Variants in SNAPC3 observed in about 807,000 individuals in gnomAD.
SNAPC3 encodes the protein snRNA-activating protein complex subunit 3.
SNAPC3 carries 56 observed loss-of-function variants against 47.7 expected under a neutral mutation model. The observed-to-expected ratio is 1.18, with a 90% confidence interval of 0.95 to 1.47. SNAPC3 has a LOEUF of 1.47. Ranked by LOEUF, SNAPC3 falls within the 40% of genes most tolerant of loss-of-function variation. The probability of loss-of-function intolerance (pLI) is 0.00; values close to 1 mark genes in which losing one functional copy is unlikely to be tolerated. For missense variants in SNAPC3, 665 were observed against 511.3 expected (o/e 1.30, Z -2.90); for synonymous variants, 235 against 189.9 (o/e 1.24, Z -1.95).
chr9:15,458,134 C>A, intron 8 of SNAPC3, 67 bp downstream of exon 8: 4 of 790,012 alleles, frequency 5.1e-6, no homozygotes, highest in Admixed American at 2.8e-5. Flanking sequence ...ATTTTGTTTT[C>A]CACTTTGGAT....
chr9:15,422,934 G>C lies in SNAPC3; in HGVS notation c.55G>C (p.Asp19His), dbSNP rs1435225340. The change falls in exon 1 of 9, where the codon GAC (aspartate) becomes CAC (histidine). Residue 19 changes from aspartate (D) to histidine (H), a missense_variant. Transcript: ENST00000380821. ...GTGTAGCGGGGTGGGTGGCAGGCAG[G>C]ACCCAGTCTCCGGCAGTGGCGGCTG... ...PTCSGVGGRQ[D>H]PVSGSGGCNF... 2 of 1,538,546 alleles carry C rather than the reference G, an allele frequency of 1.3e-6. No individual in the cohort carries two copies. Among genetic ancestry groups the C allele is most frequent in the African/African-American group, 1.4e-5 (1 of 71,518 alleles).
intron 2 of SNAPC3, among the ~76,000 whole-genome samples, chr9:15,431,579 A>C (rs2032153112): frequency 6.6e-6 from 1 of 152,138 alleles, no homozygotes; most frequent in Middle Eastern, 3.2e-3. Flanking sequence ...GGACAAACCA[A>C]AACTATAGAG....
At position 15,423,129 on chromosome 9, in the gene SNAPC3, G is replaced by T. The variant is rs754460862; in HGVS notation, c.250G>T (p.Ala84Ser). 1.9e-6 allele frequency: 3 copies of T among 1,557,200 alleles called. No individual in the cohort carries two copies. The highest frequency in any genetic ancestry group is 2.6e-6 in the Non-Finnish European group (3 of 1,163,136). Residue 84 changes from alanine (A) to serine (S), a missense_variant, in exon 1 of 9, where the codon GCC becomes TCC. Coordinates refer to ENST00000380821, the MANE Select transcript of SNAPC3 (RefSeq NM_001039697.2). ...GGCAGCTGACTCCGACCGGGAGGATGCCGCGGTGGCCAGGGATCTGGACTG... is the reference window on the plus strand; with the variant it reads ...GGCAGCTGACTCCGACCGGGAGGATTCCGCGGTGGCCAGGGATCTGGACTG... ...SQAADSDRED[A>S]AVARDLDCSL...
At chr9:15,462,803 C>A (rs3739801), downstream of SNAPC3, 1 of 152,134 alleles carries the variant, frequency 6.6e-6, no homozygotes, top group East Asian at 1.9e-4. Flanking sequence ...ACATTTCTGC[C>A]TATTAAACCA....
In SNAPC3 at chr9:15,423,950, A is replaced by G; in HGVS notation, c.356A>G (p.Glu119Gly). 6.3e-7 allele frequency: 1 copy of G among 1,590,128 alleles called. No homozygotes were observed. Among genetic ancestry groups the G allele is most frequent in the South Asian group, 1.2e-5 (1 of 86,578 alleles). Reference protein sequence around the residue: ...LKCLEDGEDPEVIPENTDLVT... With the variant: ...LKCLEDGEDPGVIPENTDLVT... Reference sequence around the variant, plus strand: ...TGCCTTGAGGACGGTGAGGATCCAGAAGTCATTCCGGAGAATACTGACCTG... The same window carrying G: ...TGCCTTGAGGACGGTGAGGATCCAGGAGTCATTCCGGAGAATACTGACCTG... The change falls in exon 2 of 9, where the codon GAA (glutamate) becomes GGA (glycine). Residue 119 changes from glutamate (E) to glycine (G), a missense_variant. Transcript: ENST00000380821.
At chr9:15,429,479 T>C (rs2031865461) in intron 2 of SNAPC3, among the ~76,000 whole-genome samples, 1 of 151,974 alleles carries the variant, frequency 6.6e-6, no homozygotes, top group South Asian at 2.1e-4. Flanking sequence ...ACTAAAATGA[T>C]GGAAGGAGAA....
At chr9:15,453,237 CTTTT>C (rs759781006) in intron 7 of SNAPC3, 32 bp downstream of exon 7, 1 of 1,463,710 alleles carries the variant, frequency 6.8e-7, no homozygotes, top group African/African-American at 1.4e-5. Context: ...ATTTTGTTAC[CTTTT>C]TTTTTCTTTA....
At chr9:15,440,627 G>T (rs7036620) in intron 3 of SNAPC3, among the ~76,000 whole-genome samples, 6,406 of 152,214 alleles carry the variant, frequency 0.042, 451 homozygotes, top group African/African-American at 0.15. Flanking sequence ...AGAGTTTGAG[G>T]CCAATCTAGG....
Position 15,460,411 on chromosome 9 carries a change from A to T in SNAPC3, c.*545A>T, listed in dbSNP as rs983254279. The T allele has an allele frequency of 4.6e-5, 7 of 152,202 alleles. No homozygotes were observed. The highest frequency in any genetic ancestry group is 1.7e-4 in the African/African-American group (7 of 41,432). The allele number at this position is 152,202 out of a possible 1,614,324, so 9.4% of individuals were successfully genotyped here. On this transcript the variant is annotated 3_prime_UTR_variant, in exon 9 of 9. Coordinates refer to ENST00000380821, the MANE Select transcript of SNAPC3 (RefSeq NM_001039697.2). ...GCTTTGGGATTATTTATTTTTTGAG[A>T]CAAAATCTCGCTCTTGTTGCCCAGG...
chr9:15,432,336 C>G (rs958349610), intron 2 of SNAPC3, among the ~76,000 whole-genome samples: 13 of 152,098 alleles, frequency 8.5e-5, no homozygotes, highest in African/African-American at 2.9e-4. Flanking sequence ...TCCTGCCTAT[C>G]TCAGCTGAGA....
At position 15,423,303 on chromosome 9, in the gene SNAPC3, G is replaced by C. The variant is rs575963205; in HGVS notation, c.314+110G>C. 4.4e-6 allele frequency: 5 copies of C among 1,138,284 alleles called. No homozygotes were observed. The Admixed American group carries it at 1.0e-4, about 23-fold the overall frequency. 70.5% of individuals were successfully genotyped at this position (1,138,284 alleles called of 1,614,324 possible). On this transcript the variant is annotated intron_variant, in intron 1 of 8. Coordinates refer to ENST00000380821, the MANE Select transcript of SNAPC3 (RefSeq NM_001039697.2). ...GAGAAGGGCCTGTGGTTTAGACCTG[G>C]GCTAGGAGTATTACCCTTTAAAGCT... is the stretch of plus-strand genomic sequence containing the variant.
intron 3 of SNAPC3, among the ~76,000 whole-genome samples, chr9:15,434,270 C>G (rs1036970393): frequency 6.6e-6 from 1 of 152,156 alleles, no homozygotes; most frequent in Non-Finnish European, 1.5e-5. Flanking sequence ...AACAGAAATT[C>G]CATACCTGTT....
At chr9:15,458,096 C>A in intron 8 of SNAPC3, 29 bp downstream of exon 8, 2 of 1,105,456 alleles carry the variant, frequency 1.8e-6, no homozygotes, top group South Asian at 1.6e-5. Context: ...TTTTTTTTCT[C>A]TGAGAAATGG....
intron 3 of SNAPC3, among the ~76,000 whole-genome samples, chr9:15,442,846 C>T (rs1158108678): frequency 6.6e-6 from 1 of 152,156 alleles, no homozygotes; most frequent in Admixed American, 6.5e-5. Context: ...TTGTAGCAAG[C>T]CGAGATCACG....
Position 15,459,864 on chromosome 9 carries a change from T to G in SNAPC3, c.1234T>G (p.Ter412GluextTer2). The change falls in exon 9 of 9, where the codon TAA becomes GAA. Residue 412 changes from the stop codon to glutamate, a stop_lost. Transcript: ENST00000380821. ...YPYVDPGTFN[*>E] ...TTATGTTGATCCTGGAACCTTTAAT[T>G]AAGAATAGCTACACTCACAAAAATA... is the stretch of plus-strand genomic sequence containing the variant. 1 of 1,611,630 alleles carries G rather than the reference T, an allele frequency of 6.2e-7. No individual in the cohort carries two copies. Among genetic ancestry groups the G allele is most frequent in the Non-Finnish European group, 8.5e-7 (1 of 1,178,742 alleles).
chr9:15,454,842 G>A (rs1490681250), intron 7 of SNAPC3, among the ~76,000 whole-genome samples: 1 of 152,180 alleles, frequency 6.6e-6, no homozygotes, highest in Non-Finnish European at 1.5e-5. Context: ...GCTGAGGCAG[G>A]AGAATGGCGT....
chr9:15,465,837 A>T (rs929982349), downstream of SNAPC3: 4 of 376,146 alleles, frequency 1.1e-5, no homozygotes, highest in African/African-American at 6.3e-5. Context: ...TCATGGACCA[A>T]GCCCTTTCCA....
In SNAPC3 at chr9:15,459,761, C is replaced by T. The variant is rs775354857; in HGVS notation, c.1131C>T (p.Cys377=). ...ACAGTTTTGCACCAGAGGACCCATG[C>T]TTCTTTTGTGATGTTTGCTTCCGAA... ...NNDSFAPEDP[C]FFCDVCFRML... Residue 377 remains cysteine, a synonymous_variant, in exon 9 of 9, where the codon TGC becomes TGT. Transcript: ENST00000380821. The T allele has an allele frequency of 8.7e-6, 14 of 1,613,480 alleles. No individual in the cohort carries two copies. The highest frequency in any genetic ancestry group is 1.2e-5 in the Non-Finnish European group (14 of 1,179,748).
intron 3 of SNAPC3, among the ~76,000 whole-genome samples, chr9:15,443,867 A>C (rs953231014): frequency 6.6e-6 from 1 of 152,244 alleles, no homozygotes; most frequent in Admixed American, 6.5e-5. Flanking sequence ...AATGAAAAGC[A>C]GCAACTTCTC....
Sources: allele counts gnomAD v4.1 joint callset (sites outside exome capture counted in the v4.1 genomes callset), GRCh38; gene constraint gnomAD v4.1.1; transcripts MANE v1.5; gene names NCBI Gene and HGNC (gene_info 2026-07-23, HGNC 2026-07-21).